Variants in CDH13 observed in about 807,000 individuals in gnomAD.
CDH13 encodes cadherin 13.
A neutral mutation model predicts 63.8 loss-of-function variants in CDH13; 24 were observed. That is an observed-to-expected ratio of 0.38 (90% CI 0.27 to 0.53). The LOEUF (loss-of-function observed/expected upper bound fraction) is 0.53. Among genes scored for constraint, CDH13 ranks in the 20% least tolerant of loss-of-function variants. The pLI, the probability that CDH13 is intolerant of heterozygous loss-of-function variation, is 0.85. For synonymous variants in CDH13, 503 were observed against 355.3 expected (o/e 1.42, Z -4.67); for missense variants, 1,049 against 903.1 (o/e 1.16, Z -2.07).
At chr16:83,191,500 T>TGCAC (rs2038705667) in intron 4 of CDH13, among the ~76,000 whole-genome samples, 1 of 70,982 alleles carries the variant, frequency 1.4e-5, no homozygotes, top group African/African-American at 6.0e-5. Flanking sequence ...CACATATATA[T>TGCAC]ATATACACAC....
intron 5 of CDH13, among the ~76,000 whole-genome samples, chr16:83,324,299 T>C (rs1485850491): frequency 6.6e-6 from 1 of 152,206 alleles, no homozygotes; most frequent in Non-Finnish European, 1.5e-5. Context: ...CCTTGCAAAG[T>C]GCTGGGATTA....
intron 1 of CDH13, among the ~76,000 whole-genome samples, chr16:82,811,976 T>G (rs1469018638): frequency 1.3e-5 from 2 of 152,132 alleles, no homozygotes; most frequent in Non-Finnish European, 2.9e-5. Context: ...ACACATGCAT[T>G]TGGAATAGAG....
intron 1 of CDH13, among the ~76,000 whole-genome samples, chr16:82,788,311 C>T (rs1449282442): frequency 6.6e-6 from 1 of 152,148 alleles, no homozygotes; most frequent in Non-Finnish European, 1.5e-5. Context: ...TCGTTACTAC[C>T]CATTACATCT....
At chr16:83,121,318 A>T (rs1202365676) in intron 3 of CDH13, among the ~76,000 whole-genome samples, 1 of 152,218 alleles carries the variant, frequency 6.6e-6, no homozygotes, top group Non-Finnish European at 1.5e-5. Flanking sequence ...ATATTTTCCT[A>T]CATAGCTTGT....
intron 2 of CDH13, among the ~76,000 whole-genome samples, chr16:82,979,622 A>G (rs763026952): frequency 1.3e-5 from 2 of 152,188 alleles, no homozygotes; most frequent in Non-Finnish European, 2.9e-5. Flanking sequence ...CACCATGATC[A>G]TAGTTTCCTG....
intron 1 of CDH13, among the ~76,000 whole-genome samples, chr16:82,833,827 C>G (rs546401594): frequency 6.6e-5 from 10 of 152,314 alleles, no homozygotes; most frequent in South Asian, 2.1e-4. Context: ...TGTGGCTACG[C>G]TGAGGGTTTC....
chr16:83,501,804 C>G lies in CDH13; in HGVS notation c.960+15149C>G, dbSNP rs76072161. 3.6e-3 allele frequency among the ~76,000 whole-genome samples: 543 copies of G among 152,322 alleles called. 1 individual carries two copies. Among genetic ancestry groups the G allele is most frequent in the African/African-American group, 0.013 (525 of 41,572 alleles). ...GATGGAAAAAATCTGACAGATGTCT[C>G]AAGGACAACTTTATCTTTTATCAGA... On this transcript the variant is annotated intron_variant, in intron 7 of 13. Coordinates refer to ENST00000567109, the MANE Select transcript of CDH13 (RefSeq NM_001257.5).
intron 1 of CDH13, 116 bp from the exon 2 acceptor site, chr16:82,858,246 A>C: frequency 1.5e-6 from 1 of 654,906 alleles, no homozygotes; most frequent in Non-Finnish European, 2.7e-6. Context: ...TTACCTCTTC[A>C]TTTGGGAAAT....
intron 4 of CDH13, among the ~76,000 whole-genome samples, chr16:83,199,438 A>C (rs541206985): frequency 1.7e-4 from 26 of 152,164 alleles, no homozygotes; most frequent in Non-Finnish European, 2.6e-4. Flanking sequence ...CCTCCCCCTG[A>C]ACTAGCTGTG....
rs540439214 is a variant in CDH13 at position 83,085,591 on chromosome 16, A to G, written c.367-39794A>G. Among the ~76,000 whole-genome samples the G allele has an allele frequency of 7.2e-5, 11 of 152,356 alleles. No homozygotes were observed. In the South Asian group the frequency reaches 2.3e-3, roughly 32 times the overall value. On this transcript the variant is annotated intron_variant, in intron 3 of 13. Transcript: ENST00000567109. ...GTCTCTCATAGGCCAGGACTGTGTTATGACACAGCTATGCTTAGCTGCAAA... is the reference window on the plus strand; with the variant it reads ...GTCTCTCATAGGCCAGGACTGTGTTGTGACACAGCTATGCTTAGCTGCAAA...
Position 83,150,784 on chromosome 16 carries a change from C to G in CDH13, c.483+25283C>G, listed in dbSNP as rs931873358. On this transcript the variant is annotated intron_variant, in intron 4 of 13. Transcript: ENST00000567109. ...CAGGACAGATGCTTGATGAGGAATG[C>G]TTGAGCTGGATTTCAACCTTTTCTT... Among the ~76,000 whole-genome samples, 4 of 152,294 alleles carry G rather than the reference C, an allele frequency of 2.6e-5. No individual in the cohort carries two copies. In the East Asian group the frequency reaches 7.7e-4, roughly 29 times the overall value.
intron 7 of CDH13, among the ~76,000 whole-genome samples, chr16:83,502,552 A>G (rs747778747): frequency 6.6e-6 from 1 of 152,198 alleles, no homozygotes; most frequent in Non-Finnish European, 1.5e-5. Flanking sequence ...TACAGCAGCA[A>G]TAGGAAATGG....
At chr16:82,861,499 G>T (rs1423578032) in intron 2 of CDH13, among the ~76,000 whole-genome samples, 1 of 152,120 alleles carries the variant, frequency 6.6e-6, no homozygotes, top group African/African-American at 2.4e-5. Context: ...GCAGGTTATG[G>T]GGAATGTTTA....
At chr16:83,018,018 A>C (rs1214747015) in intron 2 of CDH13, among the ~76,000 whole-genome samples, 1 of 152,162 alleles carries the variant, frequency 6.6e-6, no homozygotes, top group Non-Finnish European at 1.5e-5. Flanking sequence ...CTTCTTTTTC[A>C]CTCAGTAATT....
chr16:83,631,756 GC>G (rs1282172461), intron 8 of CDH13, among the ~76,000 whole-genome samples: 1 of 152,178 alleles, frequency 6.6e-6, no homozygotes, highest in Non-Finnish European at 1.5e-5. Flanking sequence ...CAGTCTGTCT[GC>G]CTGTGTTGTC....
At chr16:83,312,377 G>T (rs377137371) in intron 5 of CDH13, among the ~76,000 whole-genome samples, 1 of 152,174 alleles carries the variant, frequency 6.6e-6, no homozygotes, top group Non-Finnish European at 1.5e-5. Flanking sequence ...TCTAAAAGCT[G>T]ACAGCTGGGT....
chr16:83,003,035 C>G (rs1195471598), intron 2 of CDH13, among the ~76,000 whole-genome samples: 2 of 152,172 alleles, frequency 1.3e-5, no homozygotes, highest in Non-Finnish European at 2.9e-5. Context: ...GAATACTGGT[C>G]CAGCATGACT....
At chr16:83,487,078 C>T (rs532396516) in intron 7 of CDH13, among the ~76,000 whole-genome samples, 3 of 152,264 alleles carry the variant, frequency 2.0e-5, no homozygotes, top group African/African-American at 7.2e-5. Context: ...TGACTCCTTT[C>T]TCCAACCCTT....
intron 7 of CDH13, among the ~76,000 whole-genome samples, chr16:83,600,744 C>T (rs1342103112): frequency 6.6e-6 from 1 of 152,170 alleles, no homozygotes; most frequent in Non-Finnish European, 1.5e-5. Flanking sequence ...ATTAAGAAAT[C>T]TGTCCAACGT....
Sources: gnomAD v4.1 joint callset for allele counts (sites outside exome capture counted in the v4.1 genomes callset) on GRCh38, gnomAD v4.1.1 for gene constraint, MANE v1.5 for transcripts, NCBI Gene and HGNC (gene_info 2026-07-23, HGNC 2026-07-21) for gene names.